The following ANKRD11 variants were observed in gnomAD, a reference collection of about 807,000 sequenced individuals.
The protein encoded by ANKRD11 is ankyrin repeat domain-containing protein 11.
A neutral mutation model predicts 195.7 loss-of-function variants in ANKRD11; 17 were observed. The ratio of observed to expected loss-of-function variants is 0.09; its 90% confidence interval spans 0.06 to 0.13. The LOEUF is 0.13. Ranked by LOEUF, ANKRD11 falls within the 10% of genes least tolerant of loss-of-function variation. The probability of loss-of-function intolerance (pLI) is 1.00; values close to 1 mark genes in which losing one functional copy is unlikely to be tolerated. For missense variants in ANKRD11, 3,735 were observed against 3,566.1 expected, an observed-to-expected ratio of 1.05 and a Z score of -1.21; for synonymous variants, 1,953 against 1,528.1, an observed-to-expected ratio of 1.28 and a Z score of -6.49.
chr16:89,451,411 CTTTTT>C (rs66712285), intron 1 of ANKRD11, among the ~76,000 whole-genome samples: 3 of 130,170 alleles, frequency 2.3e-5, no homozygotes, highest in Non-Finnish European at 3.2e-5. Context: ...TCACAAATTA[CTTTTT>C]TTTTTTTTTT....
At chr16:89,441,507 C>G (rs906749475) in intron 1 of ANKRD11, among the ~76,000 whole-genome samples, 1 of 151,994 alleles carries the variant, frequency 6.6e-6, no homozygotes, top group Non-Finnish European at 1.5e-5. Context: ...GTGGCTCACG[C>G]CTGTAATCCC....
intron 2 of ANKRD11, chr16:89,372,717 C>T (rs543248784): frequency 2.0e-5 from 3 of 152,152 alleles, no homozygotes; most frequent in African/African-American, 7.2e-5. Flanking sequence ...CTAGTAAACG[C>T]TGAGCCCGGG....
chr16:89,328,259 G>A (rs567218111), intron 2 of ANKRD11, among the ~76,000 whole-genome samples: 12 of 152,184 alleles, frequency 7.9e-5, no homozygotes, highest in Non-Finnish European at 1.5e-4. Flanking sequence ...AACGCAAAGT[G>A]GTGTTGCTGC....
At chr16:89,304,986 A>C (rs1411119271) in intron 4 of ANKRD11, 3 of 660,400 alleles carry the variant, frequency 4.5e-6, no homozygotes, top group African/African-American at 3.6e-5. Flanking sequence ...CCCAAGAGTG[A>C]AGCTCTCCAA....
intron 9 of ANKRD11, 51 bp from the exon 10 acceptor site, chr16:89,275,242 C>A (rs776823546): frequency 7.3e-6 from 11 of 1,498,120 alleles, no homozygotes; most frequent in Non-Finnish European, 1.0e-5. Context: ...TGGAACTGCA[C>A]GAAGGATATA....
At chr16:89,303,035 G>C (rs1175796567) in intron 4 of ANKRD11, among the ~76,000 whole-genome samples, 1 of 152,202 alleles carries the variant, frequency 6.6e-6, no homozygotes, top group Non-Finnish European at 1.5e-5. Context: ...CTGGGTGAGA[G>C]CTTCTCTGCA....
intron 9 of ANKRD11, chr16:89,277,513 C>G (rs1474517460): frequency 6.6e-6 from 1 of 152,240 alleles, no homozygotes; most frequent in Non-Finnish European, 1.5e-5. Flanking sequence ...ATCCATTAAA[C>G]GAGAAAACAA....
intron 3 of ANKRD11, among the ~76,000 whole-genome samples, chr16:89,310,498 T>C (rs961250704): frequency 1.3e-5 from 2 of 152,254 alleles, no homozygotes; most frequent in Non-Finnish European, 2.9e-5. Context: ...GGATTTTGGC[T>C]GGCATTACAC....
At chr16:89,308,751 A>C (rs780309658) in intron 3 of ANKRD11, among the ~76,000 whole-genome samples, 3 of 152,228 alleles carry the variant, frequency 2.0e-5, no homozygotes, top group Non-Finnish European at 4.4e-5. Flanking sequence ...TCCAAAGGCA[A>C]ATGAACAATT....
rs563116772 is a variant in ANKRD11, at chr16:89,270,601, G to C, written c.7806+216C>G. On this transcript the variant is annotated intron_variant, in intron 12 of 12. Coordinates refer to ENST00000301030, the MANE Select transcript of ANKRD11 (RefSeq NM_013275.6). ...CGACAGGAGCCGCTCCCTGCACACC[G>C]GGACAGAAGGGAAGACTGAGGAGGC... The C allele has an allele frequency of 1.0e-4, 60 of 600,662 alleles. 2 individuals are homozygous for C. The South Asian group carries it at 1.1e-3, about 11-fold the overall frequency. 37.2% of individuals were successfully genotyped at this position (600,662 alleles called of 1,614,324 possible).
At chr16:89,326,928 C>T (rs911642701) in intron 2 of ANKRD11, among the ~76,000 whole-genome samples, 37 of 152,128 alleles carry the variant, frequency 2.4e-4, no homozygotes, top group Non-Finnish European at 5.0e-4. Flanking sequence ...TCCACAGACA[C>T]ACGACCAGGC....
intron 1 of ANKRD11, among the ~76,000 whole-genome samples, chr16:89,458,702 C>G (rs2056540374): frequency 6.6e-6 from 1 of 152,214 alleles, no homozygotes; most frequent in African/African-American, 2.4e-5. Context: ...TCAACAGCAT[C>G]TCCTTAAACA....
chr16:89,271,606 T>C (rs2033161956), intron 11 of ANKRD11: 1 of 156,316 alleles, frequency 6.4e-6, no homozygotes, highest in African/African-American at 2.4e-5. Flanking sequence ...GGGAACTCAC[T>C]TTCCACAAAG....
chr16:89,463,460 C>T (rs539487399), intron 1 of ANKRD11, among the ~76,000 whole-genome samples: 8 of 152,234 alleles, frequency 5.3e-5, no homozygotes, highest in South Asian at 2.1e-4. Flanking sequence ...GTTAAACAGA[C>T]GGTTGAAGGC....
chr16:89,448,886 G>C (rs1392867657), intron 1 of ANKRD11, among the ~76,000 whole-genome samples: 1 of 152,130 alleles, frequency 6.6e-6, no homozygotes, highest in Non-Finnish European at 1.5e-5. Flanking sequence ...CTCACTCCAT[G>C]AGCACAAGCA....
chr16:89,281,943 T>C lies in ANKRD11; in HGVS notation c.4599A>G (p.Lys1533=), dbSNP rs1413327190. ...PRLGDAKLKE[K]FKDGAEKEKG... is the part of the protein sequence containing the mutation. ...TTTCTTTCTCTGCACCGTCCTTGAA[T>C]TTCTCCTTCAGTTTGGCATCGCCGA... Residue 1533 remains lysine (K), a synonymous_variant, in exon 9 of 13, where the codon AAA becomes AAG. Transcript: ENST00000301030. This position sits in a 1 kb window ranked among gnomAD's most constrained non-coding sequence, Gnocchi z 5.5. 1 of 1,613,048 alleles carries C rather than the reference T, an allele frequency of 6.2e-7. No homozygotes were observed.
intron 2 of ANKRD11, among the ~76,000 whole-genome samples, chr16:89,351,208 T>C (rs983118447): frequency 3.3e-5 from 5 of 152,168 alleles, no homozygotes; most frequent in Admixed American, 3.3e-4. Context: ...CGGCAGCTGG[T>C]GGTGGGCATG....
intron 2 of ANKRD11, among the ~76,000 whole-genome samples, chr16:89,377,474 CGG>C (rs1239224096): frequency 7.7e-6 from 1 of 129,458 alleles, no homozygotes; most frequent in Non-Finnish European, 1.6e-5. Context: ...ACATGTGGGC[CGG>C]GGCAGGAGGG....
intron 4 of ANKRD11, among the ~76,000 whole-genome samples, chr16:89,303,984 G>C (rs2036003634): frequency 6.6e-6 from 1 of 152,218 alleles, no homozygotes; most frequent in Admixed American, 6.5e-5. Context: ...GCCAGGGACA[G>C]AGCCGAGGGC....
Sources: gnomAD v4.1 joint callset for allele counts (sites outside exome capture counted in the v4.1 genomes callset) on GRCh38, gnomAD v4.1.1 for gene constraint, Gnocchi (gnomAD v3.1) non-coding constraint, MANE v1.5 for transcripts, NCBI Gene and HGNC (gene_info 2026-07-23, HGNC 2026-07-21) for gene names.